ROBO1: variants seen among roughly 807,000 people sequenced by gnomAD.
ROBO1 encodes roundabout homolog 1.
Under a neutral mutation model 195.9 loss-of-function variants are expected in ROBO1, and 149 were observed. The observed-to-expected ratio is 0.76, with a 90% CI of 0.67 to 0.87. The LOEUF is 0.87. ROBO1 is among the 40% of genes least tolerant of loss of function. ROBO1 has a pLI of 0.00. For missense variants in ROBO1, 1,933 were observed against 2,068.3 expected (o/e 0.93, Z 1.27); for synonymous variants, 816 against 733.2 (o/e 1.11, Z -1.82).
chr3:79,385,709 T>C (rs889839837), intron 2 of ROBO1, among the ~76,000 whole-genome samples: 4 of 152,016 alleles, frequency 2.6e-5, no homozygotes, highest in African/African-American at 9.7e-5. Flanking sequence ...CTGGTAGACA[T>C]GGAATAAACA....
At chr3:78,883,901 G>C (rs2036337928) in intron 4 of ROBO1, among the ~76,000 whole-genome samples, 2 of 152,050 alleles carry the variant, frequency 1.3e-5, no homozygotes, top group Admixed American at 1.3e-4. Context: ...AGAATAAAAG[G>C]GCCAGCCCAA....
chr3:79,395,340 A>AAAAGAAAGAAAGAAAG (rs71127382), intron 2 of ROBO1, among the ~76,000 whole-genome samples: 144 of 119,024 alleles, frequency 1.2e-3, no homozygotes, highest in African/African-American at 2.6e-3. Flanking sequence ...AAAAAAAAAA[A>AAAAGAAAGAAAGAAAG]AAAGAAAGAA....
At chr3:78,884,864 T>TTG (rs1553756226) in intron 4 of ROBO1, among the ~76,000 whole-genome samples, 1 of 67,584 alleles carries the variant, frequency 1.5e-5, no homozygotes, top group Non-Finnish European at 2.7e-5. Context: ...CTCTCTCTCT[T>TTG]TCTGTGTGTG....
At chr3:79,081,681 A>G (rs1320335455) in intron 3 of ROBO1, among the ~76,000 whole-genome samples, 4 of 152,202 alleles carry the variant, frequency 2.6e-5, no homozygotes, top group Non-Finnish European at 5.9e-5. Flanking sequence ...AACAAACACA[A>G]TAGAGACCTT....
chr3:79,197,899 G>A (rs1338902623), intron 2 of ROBO1, among the ~76,000 whole-genome samples: 2 of 144,742 alleles, frequency 1.4e-5, no homozygotes, highest in Non-Finnish European at 1.5e-5. Context: ...TTTTTTTCTT[G>A]TAAATTTGTT....
intron 25 of ROBO1, 125 bp from the exon 26 acceptor site, chr3:78,627,694 A>G (rs1392910082): frequency 9.4e-7 from 1 of 1,061,648 alleles, no homozygotes; most frequent in Non-Finnish European, 1.3e-6. Context: ...CATTAAGGAG[A>G]TATTATTGAA....
chr3:78,831,170 C>G (rs2032163042), intron 4 of ROBO1, among the ~76,000 whole-genome samples: 1 of 152,074 alleles, frequency 6.6e-6, no homozygotes, highest in Admixed American at 6.6e-5. Flanking sequence ...CTCAGCCTCC[C>G]AAAGTGCTGG....
intron 4 of ROBO1, among the ~76,000 whole-genome samples, chr3:78,859,601 G>A (rs1033500232): frequency 3.3e-5 from 5 of 152,116 alleles, no homozygotes; most frequent in African/African-American, 1.2e-4. Context: ...AGGCCAAAGT[G>A]TTGAAGGTGT....
At chr3:79,021,319 A>C (rs2108274044) in intron 3 of ROBO1, among the ~76,000 whole-genome samples, 1 of 152,338 alleles carries the variant, frequency 6.6e-6, no homozygotes, top group Admixed American at 6.5e-5. Context: ...ACCTAGTAAT[A>C]GAAAACAAAC....
intron 2 of ROBO1, among the ~76,000 whole-genome samples, chr3:79,524,807 T>C (rs550679545): frequency 1.5e-4 from 23 of 152,260 alleles, no homozygotes; most frequent in Non-Finnish European, 3.1e-4. Flanking sequence ...CTAATTTTAA[T>C]TGAATTGAAA....
chr3:78,705,360 G>C (rs2107972299), intron 8 of ROBO1, among the ~76,000 whole-genome samples: 1 of 152,232 alleles, frequency 6.6e-6, no homozygotes, highest in Admixed American at 6.5e-5. Context: ...CCACTTTCTT[G>C]GGAATTCAAC....
chr3:79,530,901 C>A (rs1173539265), intron 2 of ROBO1, among the ~76,000 whole-genome samples: 1 of 151,994 alleles, frequency 6.6e-6, no homozygotes, highest in Non-Finnish European at 1.5e-5. Flanking sequence ...CAGTTATTCT[C>A]CAGAGTCATC....
chr3:79,388,000 T>A, intron 2 of ROBO1, among the ~76,000 whole-genome samples: 1 of 152,110 alleles, frequency 6.6e-6, no homozygotes, highest in East Asian at 1.9e-4. Context: ...TATGGACCCA[T>A]TGGAGGTGCC....
chr3:79,479,452 C>T (rs187955957), intron 2 of ROBO1, among the ~76,000 whole-genome samples: 11 of 152,284 alleles, frequency 7.2e-5, no homozygotes, highest in African/African-American at 2.4e-4. Context: ...TCACTGCTCA[C>T]CTCCTGCTAC....
At chr3:78,930,067 C>T (rs1028565383) in intron 4 of ROBO1, among the ~76,000 whole-genome samples, 1 of 152,116 alleles carries the variant, frequency 6.6e-6, no homozygotes, top group Non-Finnish European at 1.5e-5. Flanking sequence ...AATAAAACCT[C>T]CTAAGGAAAT....
chr3:79,167,601 A>G (rs2081092083), intron 2 of ROBO1, among the ~76,000 whole-genome samples: 1 of 152,144 alleles, frequency 6.6e-6, no homozygotes, highest in African/African-American at 2.4e-5. Context: ...CCTTCACACC[A>G]CTGCTTTATC....
At chr3:79,223,897 A>G (rs1321609597) in intron 2 of ROBO1, among the ~76,000 whole-genome samples, 1 of 152,208 alleles carries the variant, frequency 6.6e-6, no homozygotes, top group African/African-American at 2.4e-5. Context: ...TAAAATGATA[A>G]GCCTTTTCAT....
rs761406963 is a variant in ROBO1, at chr3:78,633,898, T to A, written c.3481+37A>T. ...ATTTGTAATCTTGGAAAGTACCAGC[T>A]TTTTAAAGGAGAAGTTCTTTGGTTC... On this transcript the variant is annotated intron_variant, in intron 24 of 30. Coordinates refer to ENST00000464233, the MANE Select transcript of ROBO1 (RefSeq NM_002941.4). The A allele has an allele frequency of 5.7e-6, 8 of 1,410,402 alleles. No homozygotes were observed. The Admixed American group carries it at 1.1e-4, about 19-fold the overall frequency. The allele number at this position is 1,410,402 out of a possible 1,614,324, so 87.4% of individuals were successfully genotyped here.
At chr3:78,833,869 G>C (rs1015633224) in intron 4 of ROBO1, among the ~76,000 whole-genome samples, 5 of 152,052 alleles carry the variant, frequency 3.3e-5, no homozygotes, top group Non-Finnish European at 7.4e-5. Context: ...AGTCAAACCA[G>C]GAGGAATATT....
Sources: allele counts gnomAD v4.1 joint callset (sites outside exome capture counted in the v4.1 genomes callset), GRCh38; gene constraint gnomAD v4.1.1; transcripts MANE v1.5; gene names NCBI Gene and HGNC (gene_info 2026-07-23, HGNC 2026-07-21).